NLGN1: variants seen among roughly 807,000 people sequenced by gnomAD.
The protein encoded by NLGN1 is neuroligin-1.
Under a neutral mutation model 65.5 loss-of-function variants are expected in NLGN1, and 12 were observed. That is an observed-to-expected ratio of 0.18 (90% CI 0.12 to 0.30). The LOEUF is 0.30. NLGN1 is among the 10% of genes least tolerant of loss of function. The pLI is 1.00. For synonymous variants in NLGN1, 350 were observed against 359.5 expected (o/e 0.97, Z 0.30); for missense variants, 750 against 1,007.1 (o/e 0.74, Z 3.46).
chr3:173,588,979 A>T lies in NLGN1; in HGVS notation c.-320-15300A>T, dbSNP rs112626485. On this transcript the variant is annotated intron_variant, in intron 2 of 6. Coordinates refer to ENST00000457714, the Ensembl canonical transcript of NLGN1. ...GACCGCTAAAGGAAGTTTAATTAAGAAAAACAAGTTGAGCATGAAATTCAT... is the reference window on the plus strand; with the variant it reads ...GACCGCTAAAGGAAGTTTAATTAAGTAAAACAAGTTGAGCATGAAATTCAT... 4.2e-3 allele frequency among the ~76,000 whole-genome samples: 644 copies of T among 152,350 alleles called. 5 individuals carry two copies. Among genetic ancestry groups the T allele is most frequent in the Non-Finnish European group, 6.5e-3 (444 of 68,026 alleles).
At chr3:173,745,374 C>T (rs758735606) in intron 3 of NLGN1, among the ~76,000 whole-genome samples, 35 of 151,960 alleles carry the variant, frequency 2.3e-4, no homozygotes, top group Non-Finnish European at 3.7e-4. Flanking sequence ...CTTGGAGATC[C>T]TAGTTTATGC....
intron 3 of NLGN1, among the ~76,000 whole-genome samples, chr3:173,690,983 G>A (rs1044681892): frequency 1.1e-4 from 17 of 152,130 alleles, no homozygotes; most frequent in Non-Finnish European, 2.5e-4. Flanking sequence ...GGTGAACACA[G>A]TTCTAGGTAG....
At chr3:173,977,273 T>C (rs1381162411) in intron 4 of NLGN1, among the ~76,000 whole-genome samples, 1 of 151,836 alleles carries the variant, frequency 6.6e-6, no homozygotes, top group African/African-American at 2.4e-5. Flanking sequence ...ATCTGTAGTA[T>C]GACCAGATGG....
intron 3 of NLGN1, among the ~76,000 whole-genome samples, chr3:173,628,057 G>A (rs1397335427): frequency 6.6e-6 from 1 of 152,074 alleles, no homozygotes; most frequent in African/African-American, 2.4e-5. Flanking sequence ...TTCTGTCACT[G>A]CATAGCTGGG....
intron 3 of NLGN1, among the ~76,000 whole-genome samples, chr3:173,635,038 T>TA (rs532013586): frequency 4.6e-5 from 7 of 152,086 alleles, no homozygotes; most frequent in Non-Finnish European, 8.8e-5. Flanking sequence ...GTAGCACATG[T>TA]AAAAAAAAGT....
intron 4 of NLGN1, among the ~76,000 whole-genome samples, chr3:174,178,584 C>T (rs1729857090): frequency 6.6e-6 from 1 of 152,092 alleles, no homozygotes; most frequent in Non-Finnish European, 1.5e-5. Flanking sequence ...AGTGCAACGA[C>T]ATAAAAATTT....
At chr3:174,235,539 C>T (rs1449816409) in intron 4 of NLGN1, among the ~76,000 whole-genome samples, 2 of 152,074 alleles carry the variant, frequency 1.3e-5, no homozygotes, top group African/African-American at 2.4e-5. Flanking sequence ...TTTTAATACC[C>T]TGGGCAGACG....
intron 3 of NLGN1, among the ~76,000 whole-genome samples, chr3:173,621,950 T>C (rs778188576): frequency 1.1e-4 from 16 of 152,116 alleles, no homozygotes; most frequent in Non-Finnish European, 2.2e-4. Flanking sequence ...TATGCCTTTG[T>C]AGTGTGTTCA....
intron 2 of NLGN1, among the ~76,000 whole-genome samples, chr3:173,544,801 G>T (rs141783759): frequency 6.6e-6 from 1 of 152,016 alleles, no homozygotes; most frequent in South Asian, 2.1e-4. Context: ...GGAAAAGGGC[G>T]CAGAAGAGAA....
chr3:174,175,451 C>T (rs558893302), intron 4 of NLGN1, among the ~76,000 whole-genome samples: 2 of 151,980 alleles, frequency 1.3e-5, no homozygotes, highest in South Asian at 4.1e-4. Context: ...AATATAGCTA[C>T]TCCTGCTCTT....
chr3:173,725,480 A>G (rs1021599429), intron 3 of NLGN1, among the ~76,000 whole-genome samples: 2 of 152,216 alleles, frequency 1.3e-5, no homozygotes, highest in African/African-American at 4.8e-5. Flanking sequence ...TAAATGCTCA[A>G]CAAATGTTAG....
intron 3 of NLGN1, among the ~76,000 whole-genome samples, chr3:173,612,754 G>T (rs148680409): frequency 1.3e-5 from 2 of 152,068 alleles, no homozygotes; most frequent in Admixed American, 6.6e-5. Context: ...ACTGGGTAGC[G>T]TAAACAGCAG....
chr3:174,003,036 C>T (rs1723619099), intron 4 of NLGN1, among the ~76,000 whole-genome samples: 1 of 151,972 alleles, frequency 6.6e-6, no homozygotes, highest in Admixed American at 6.6e-5. Flanking sequence ...AGGAAGATAG[C>T]AGAAAGTTGA....
intron 4 of NLGN1, among the ~76,000 whole-genome samples, chr3:173,968,529 A>G (rs955751160): frequency 6.6e-6 from 1 of 151,916 alleles, no homozygotes; most frequent in Non-Finnish European, 1.5e-5. Flanking sequence ...ATACTGGATG[A>G]GGCTTATAAT....
Position 173,890,850 on chromosome 3 carries a change from C to A in NLGN1, c.646+83018C>A, listed in dbSNP as rs531311036. On this transcript the variant is annotated intron_variant, in intron 4 of 6. Transcript: ENST00000457714. ...TATGGTTGGAATCTATGTGGCATGG[C>A]AATTCTCAGCTACAAATTGAAAAAG... 7.9e-5 allele frequency among the ~76,000 whole-genome samples: 12 copies of A among 152,168 alleles called. 1 individual carries two copies. Among genetic ancestry groups the A allele is most frequent in the Non-Finnish European group, 1.5e-5 (1 of 68,000 alleles).
At chr3:174,086,692 A>G (rs1208883406) in intron 4 of NLGN1, among the ~76,000 whole-genome samples, 1 of 152,032 alleles carries the variant, frequency 6.6e-6, no homozygotes, top group Non-Finnish European at 1.5e-5. Context: ...TTCACCCAAA[A>G]CTATCCCAAA....
chr3:174,209,749 C>T (rs962728779), intron 4 of NLGN1, among the ~76,000 whole-genome samples: 3 of 148,832 alleles, frequency 2.0e-5, no homozygotes, highest in African/African-American at 7.4e-5. Flanking sequence ...TCTCCTGCCT[C>T]AGCCTCCCGA....
intron 3 of NLGN1, among the ~76,000 whole-genome samples, chr3:173,654,597 A>G (rs2149661491): frequency 6.6e-6 from 1 of 152,208 alleles, no homozygotes; most frequent in South Asian, 2.1e-4. Flanking sequence ...ATATTTCTCA[A>G]CTTGGATGCT....
chr3:174,035,752 A>G (rs1730991270), intron 4 of NLGN1, among the ~76,000 whole-genome samples: 1 of 152,186 alleles, frequency 6.6e-6, no homozygotes, highest in African/African-American at 2.4e-5. Context: ...TCTTGTAGCC[A>G]GTGATCCGCA....
Sources: allele counts gnomAD v4.1 joint callset (sites outside exome capture counted in the v4.1 genomes callset), GRCh38; gene constraint gnomAD v4.1.1; transcripts MANE v1.5; gene names NCBI Gene and HGNC (gene_info 2026-07-23, HGNC 2026-07-21).